C1orf87: variants seen among roughly 807,000 people sequenced by gnomAD.
C1orf87 encodes chromosome 1 open reading frame 87.
In C1orf87, 58 loss-of-function variants were observed where a neutral mutation model predicts 60.5. The observed-to-expected ratio is 0.96, with a 90% confidence interval of 0.78 to 1.19. C1orf87 has a LOEUF of 1.19. Among genes scored for constraint, C1orf87 ranks in the 50% most tolerant of loss-of-function variants. The pLI, the probability that C1orf87 is intolerant of heterozygous loss-of-function variation, is 0.00. For missense variants in C1orf87, 673 were observed against 638.6 expected (o/e 1.05, Z -0.58); for synonymous variants, 236 against 227.4 (o/e 1.04, Z -0.34).
chr1:60,060,385 C>G (rs1038286414), intron 2 of C1orf87, among the ~76,000 whole-genome samples: 6 of 151,968 alleles, frequency 3.9e-5, no homozygotes, highest in African/African-American at 1.5e-4. Context: ...TATTGAGCAC[C>G]AAGCCTGGTG....
At chr1:60,011,598 C>A (rs1178823060) in intron 8 of C1orf87, among the ~76,000 whole-genome samples, 1 of 152,070 alleles carries the variant, frequency 6.6e-6, no homozygotes, top group Non-Finnish European at 1.5e-5. Context: ...TTGCTAGCAA[C>A]CAAACCTCAA....
chr1:59,994,816 A>G lies in C1orf87; in HGVS notation c.1480+2793T>C, dbSNP rs560755730. On this transcript the variant is annotated intron_variant, in intron 11 of 11. Transcript: ENST00000371201. ...TGCTGGCCTACATATTTCTTTGCAC[A>G]TAATAAAGAATAGTGATTCATCCAT... Among the ~76,000 whole-genome samples, 6 of 152,302 alleles carry G rather than the reference A, an allele frequency of 3.9e-5. 1 individual carries two copies. The South Asian group carries it at 1.2e-3, about 32-fold the overall frequency.
intron 3 of C1orf87, among the ~76,000 whole-genome samples, chr1:60,047,770 A>T (rs1048570684): frequency 6.0e-5 from 9 of 151,210 alleles, no homozygotes; most frequent in African/African-American, 1.9e-4. Context: ...ATAGTGACTC[A>T]CTTGCTTTAT....
chr1:60,048,325 C>T (rs183243258), intron 3 of C1orf87, among the ~76,000 whole-genome samples: 1 of 152,220 alleles, frequency 6.6e-6, no homozygotes, highest in African/African-American at 2.4e-5. Context: ...AGTAGATCCT[C>T]TAGTTCTGAT....
chr1:60,018,963 C>T (rs772963087), intron 8 of C1orf87, among the ~76,000 whole-genome samples: 7 of 152,138 alleles, frequency 4.6e-5, no homozygotes, highest in Non-Finnish European at 1.0e-4. Context: ...TTATTCATAT[C>T]TATATTCCTA....
intron 2 of C1orf87, among the ~76,000 whole-genome samples, chr1:60,057,158 G>A (rs527287902): frequency 5.3e-5 from 8 of 152,280 alleles, no homozygotes; most frequent in African/African-American, 1.4e-4. Context: ...GGAAGACTTC[G>A]TAGAAAAGCA....
chr1:60,061,999 T>C (rs1049906618), intron 2 of C1orf87, among the ~76,000 whole-genome samples: 6 of 152,086 alleles, frequency 3.9e-5, no homozygotes, highest in African/African-American at 1.4e-4. Flanking sequence ...TTTGGGCCAA[T>C]GGGTAGCCCT....
At chr1:60,014,229 G>A (rs1645109952) in intron 8 of C1orf87, among the ~76,000 whole-genome samples, 1 of 152,118 alleles carries the variant, frequency 6.6e-6, no homozygotes, top group African/African-American at 2.4e-5. Flanking sequence ...CAACACTTGT[G>A]TAATTTTCTG....
chr1:60,012,434 G>A (rs904580516), intron 8 of C1orf87, among the ~76,000 whole-genome samples: 13 of 152,068 alleles, frequency 8.5e-5, no homozygotes, highest in Admixed American at 5.9e-4. Context: ...GATTTGAATG[G>A]TATAGGACTT....
intron 2 of C1orf87, among the ~76,000 whole-genome samples, chr1:60,065,703 C>T (rs1163268211): frequency 1.3e-5 from 2 of 152,080 alleles, no homozygotes; most frequent in Admixed American, 6.6e-5. Flanking sequence ...TTAACTTTAA[C>T]ACTTAAAGGA....
chr1:60,025,354 AG>A, intron 8 of C1orf87, 46 bp downstream of exon 8: 1 of 1,401,718 alleles, frequency 7.1e-7, no homozygotes, highest in East Asian at 2.3e-5. Flanking sequence ...CATTTGGGGA[AG>A]GGGTGGTGGA....
At chr1:60,009,247 G>T (rs1200503594) in intron 9 of C1orf87, among the ~76,000 whole-genome samples, 1 of 152,000 alleles carries the variant, frequency 6.6e-6, no homozygotes, top group East Asian at 1.9e-4. Flanking sequence ...AAAGAAGAAG[G>T]CCTTGTGAAA....
At chr1:60,016,499 G>T (rs1645125599) in intron 8 of C1orf87, among the ~76,000 whole-genome samples, 1 of 152,290 alleles carries the variant, frequency 6.6e-6, no homozygotes, top group Middle Eastern at 3.4e-3. Context: ...ACTGGGAGAA[G>T]TACAGCCCTT....
intron 2 of C1orf87, among the ~76,000 whole-genome samples, chr1:60,059,470 C>T (rs1645480424): frequency 6.6e-6 from 1 of 152,136 alleles, no homozygotes. Context: ...ACTGTCCAGT[C>T]GTTCCCTCTC....
chr1:60,022,289 G>A (rs751602002), intron 8 of C1orf87, among the ~76,000 whole-genome samples: 1 of 151,904 alleles, frequency 6.6e-6, no homozygotes, highest in Non-Finnish European at 1.5e-5. Flanking sequence ...AGAAATCCAG[G>A]AGAAAGATAA....
chr1:60,010,380 A>G lies in C1orf87; in HGVS notation c.1192+12T>C, dbSNP rs746092482. ...GAAGGTCTCTCTGGAGCAAAAAAATAATGGAACTCACCTGTAGGCAAATCA... is the reference window on the plus strand; with the variant it reads ...GAAGGTCTCTCTGGAGCAAAAAAATGATGGAACTCACCTGTAGGCAAATCA... On this transcript the variant is annotated intron_variant, in intron 9 of 11. Transcript: ENST00000371201. The G allele has an allele frequency of 1.2e-6, 2 of 1,610,132 alleles. No homozygotes were observed. Among genetic ancestry groups the G allele is most frequent in the Admixed American group, 1.7e-5 (1 of 59,800 alleles).
chr1:60,068,433 G>C (rs1454722638), intron 2 of C1orf87, among the ~76,000 whole-genome samples: 1 of 152,154 alleles, frequency 6.6e-6, no homozygotes, highest in Non-Finnish European at 1.5e-5. Context: ...ATTAAAAACT[G>C]TTGAATAAGA....
chr1:60,028,371 A>G (rs1645214062), intron 7 of C1orf87, among the ~76,000 whole-genome samples: 1 of 152,208 alleles, frequency 6.6e-6, no homozygotes, highest in Non-Finnish European at 1.5e-5. Context: ...GCTGCTAAGA[A>G]CTGACTGCTG....
At chr1:59,997,337 T>C (rs1171249620) in intron 11 of C1orf87, among the ~76,000 whole-genome samples, 2 of 152,164 alleles carry the variant, frequency 1.3e-5, no homozygotes, top group African/African-American at 4.8e-5. Context: ...TGAGGTATTT[T>C]AATCAGAGGA....
Sources: gnomAD v4.1 joint callset for allele counts (sites outside exome capture counted in the v4.1 genomes callset) on GRCh38, gnomAD v4.1.1 for gene constraint, MANE v1.5 for transcripts, NCBI Gene and HGNC (gene_info 2026-07-23, HGNC 2026-07-21) for gene names.